Variants in NCK2 observed in about 807,000 individuals in gnomAD.
NCK2 encodes the protein cytoplasmic protein NCK2.
NCK2 carries 16 observed loss-of-function variants against 33.9 expected under a neutral mutation model. That is an observed-to-expected ratio of 0.47 (90% CI 0.32 to 0.72). The LOEUF is 0.72. NCK2 is among the 30% of genes least tolerant of loss of function. The pLI is 0.03. For synonymous variants in NCK2, 273 were observed against 239.9 expected (o/e 1.14, Z -1.27); for missense variants, 418 against 537.3 (o/e 0.78, Z 2.19).
intron 1 of NCK2, among the ~76,000 whole-genome samples, chr2:105,770,895 G>T (rs1319910011): frequency 1.3e-5 from 2 of 149,272 alleles, no homozygotes; most frequent in Non-Finnish European, 3.0e-5. Context: ...TTAATATCAT[G>T]ATTTCTTTTT....
At chr2:105,768,385 C>T (rs1432539606) in intron 1 of NCK2, among the ~76,000 whole-genome samples, 6 of 152,138 alleles carry the variant, frequency 3.9e-5, no homozygotes, top group African/African-American at 9.7e-5. Flanking sequence ...GGGTTCGTGC[C>T]GGCCTCACAA....
chr2:105,868,051 G>A (rs545565216), intron 3 of NCK2, among the ~76,000 whole-genome samples: 11 of 152,248 alleles, frequency 7.2e-5, no homozygotes, highest in East Asian at 1.9e-4. Context: ...CTGAGAGAGC[G>A]CTCGTTTACT....
At chr2:105,816,181 C>G (rs1415720674) in intron 1 of NCK2, among the ~76,000 whole-genome samples, 1 of 152,184 alleles carries the variant, frequency 6.6e-6, no homozygotes, top group East Asian at 1.9e-4. Flanking sequence ...GGTGGCATGC[C>G]TGTGGTCCCA....
chr2:105,820,101 G>A (rs957082970), intron 2 of NCK2, among the ~76,000 whole-genome samples: 33 of 152,168 alleles, frequency 2.2e-4, no homozygotes, highest in African/African-American at 5.6e-4. Flanking sequence ...GAGATGTTAC[G>A]TTGGGAATAA....
At chr2:105,750,069 A>ACACACACACACACACAC (rs1558820044) in intron 1 of NCK2, among the ~76,000 whole-genome samples, 6 of 56,648 alleles carry the variant, frequency 1.1e-4, no homozygotes, top group African/African-American at 2.1e-4. Context: ...CACACACACA[A>ACACACACACACACACAC]AACAACAACA....
At chr2:105,784,232 A>G (rs1034381056) in intron 1 of NCK2, among the ~76,000 whole-genome samples, 1 of 152,136 alleles carries the variant, frequency 6.6e-6, no homozygotes, top group African/African-American at 2.4e-5. Context: ...GCCTCCCAAA[A>G]TGCTGGGACT....
Position 105,867,208 on chromosome 2 carries a change from G to T in NCK2, c.226+11919G>T, listed in dbSNP as rs555507266. Among the ~76,000 whole-genome samples, 26 of 152,186 alleles carry T rather than the reference G, an allele frequency of 1.7e-4. 1 individual carries two copies. Among genetic ancestry groups the T allele is most frequent in the Middle Eastern group, 3.4e-3 (1 of 294 alleles). ...AAATTGTTTATCGTCTCTTTATCAC[G>T]CTAAGACAAGGACTCTGTGGGTTTT... is the stretch of plus-strand genomic sequence containing the variant. On this transcript the variant is annotated intron_variant, in intron 3 of 4. Coordinates refer to ENST00000233154, the MANE Select transcript of NCK2 (RefSeq NM_003581.5).
chr2:105,857,533 T>C (rs1677329304), intron 3 of NCK2, among the ~76,000 whole-genome samples: 1 of 152,254 alleles, frequency 6.6e-6, no homozygotes, highest in Admixed American at 6.5e-5. Flanking sequence ...GTAGGTCAGA[T>C]CCTCTTCTGT....
intron 1 of NCK2, among the ~76,000 whole-genome samples, chr2:105,790,411 C>G (rs1032706878): frequency 2.6e-5 from 4 of 152,214 alleles, no homozygotes; most frequent in African/African-American, 9.6e-5. Flanking sequence ...ATGGGTAGCA[C>G]TCTATGCCTG....
At chr2:105,786,481 G>T (rs1690686735) in intron 1 of NCK2, among the ~76,000 whole-genome samples, 1 of 152,214 alleles carries the variant, frequency 6.6e-6, no homozygotes, top group Admixed American at 6.5e-5. Flanking sequence ...GCCGCTGCTG[G>T]GATCTTGTGT....
intron 2 of NCK2, among the ~76,000 whole-genome samples, chr2:105,835,040 T>C (rs1676340251): frequency 6.6e-6 from 1 of 152,134 alleles, no homozygotes; most frequent in Non-Finnish European, 1.5e-5. Context: ...AAGTATTTTC[T>C]GGTTGCTTTG....
chr2:105,873,538 T>C lies in NCK2; in HGVS notation c.227-7790T>C, dbSNP rs149263311. On this transcript the variant is annotated intron_variant, in intron 3 of 4. Coordinates refer to ENST00000233154, the MANE Select transcript of NCK2 (RefSeq NM_003581.5). The stretch of plus-strand genomic sequence containing the variant: ...CCCTCACTCCCACACCCAAAACCCT[T>C]GGTCACTGTGTTCTTTTCAGCTCAC... Among the ~76,000 whole-genome samples the C allele has an allele frequency of 1.6e-3, 248 of 152,278 alleles. 5 individuals carry two copies. The East Asian group carries it at 0.038, about 23-fold the overall frequency.
At chr2:105,851,230 C>G (rs1457079868) in intron 2 of NCK2, among the ~76,000 whole-genome samples, 1 of 151,564 alleles carries the variant, frequency 6.6e-6, no homozygotes. Context: ...TTGAGGATAC[C>G]GGGCTGCTAA....
intron 1 of NCK2, among the ~76,000 whole-genome samples, chr2:105,800,284 G>T (rs1674777552): frequency 6.6e-6 from 1 of 152,200 alleles, no homozygotes. Context: ...CCCTGTGCAC[G>T]CCACCTAATT....
intron 2 of NCK2, among the ~76,000 whole-genome samples, chr2:105,817,548 C>A (rs1339554898): frequency 2.0e-5 from 3 of 152,092 alleles, no homozygotes; most frequent in Admixed American, 6.6e-5. Context: ...CACTAGCTTT[C>A]CTTAAAAACT....
intron 2 of NCK2, among the ~76,000 whole-genome samples, chr2:105,819,068 G>A (rs1675622337): frequency 6.6e-6 from 1 of 152,120 alleles, no homozygotes; most frequent in Non-Finnish European, 1.5e-5. Context: ...CGTTGATTTA[G>A]GGTGTTGTGT....
intron 1 of NCK2, among the ~76,000 whole-genome samples, chr2:105,780,363 CAT>C (rs1558833580): frequency 7.0e-6 from 1 of 142,550 alleles, no homozygotes; most frequent in African/African-American, 2.7e-5. Context: ...CACACACACA[CAT>C]TCATCTAAAG....
At chr2:105,750,067 C>CACACACAA (rs1553449504) in intron 1 of NCK2, among the ~76,000 whole-genome samples, 1 of 151,296 alleles carries the variant, frequency 6.6e-6, no homozygotes, top group African/African-American at 2.4e-5. Context: ...CACACACACA[C>CACACACAA]AAAACAACAA....
intron 1 of NCK2, among the ~76,000 whole-genome samples, chr2:105,760,064 A>T (rs1020621907): frequency 2.0e-5 from 3 of 152,096 alleles, no homozygotes; most frequent in Admixed American, 2.0e-4. Context: ...CCTTCTTTCC[A>T]TACTGCTGCA....
Sources: gnomAD v4.1 joint callset for allele counts (sites outside exome capture counted in the v4.1 genomes callset) on GRCh38, gnomAD v4.1.1 for gene constraint, MANE v1.5 for transcripts, NCBI Gene and HGNC (gene_info 2026-07-23, HGNC 2026-07-21) for gene names.